LRPPRC: variants seen among roughly 807,000 people sequenced by gnomAD.
LRPPRC encodes leucine rich pentatricopeptide repeat containing, also known as leucine-rich PPR motif-containing protein, mitochondrial.
Under a neutral mutation model 180.3 loss-of-function variants are expected in LRPPRC, and 120 were observed. That is an observed-to-expected ratio of 0.67 (90% CI 0.57 to 0.77). The LOEUF (loss-of-function observed/expected upper bound fraction) is 0.77. LRPPRC is among the 30% of genes least tolerant of loss of function. LRPPRC has a pLI of 0.00. For synonymous variants in LRPPRC, 723 were observed against 600.0 expected (o/e 1.21, Z -3.00); for missense variants, 2,012 against 1,657.2 (o/e 1.21, Z -3.72).
intron 20 of LRPPRC, among the ~76,000 whole-genome samples, 190 bp from the exon 21 acceptor site, chr2:43,946,433 G>A (rs1672684796): frequency 6.6e-6 from 1 of 152,030 alleles, no homozygotes; most frequent in Admixed American, 6.6e-5. Flanking sequence ...TCTTACACGT[G>A]TAGGGGTTAA....
intron 37 of LRPPRC, among the ~76,000 whole-genome samples, 194 bp downstream of exon 37, chr2:43,889,540 G>A (rs953994687): frequency 3.3e-5 from 5 of 151,934 alleles, no homozygotes; most frequent in African/African-American, 9.7e-5. Flanking sequence ...TTTAAACTGT[G>A]GCCCCAGAGA....
At chr2:43,987,491 CAA>C (rs34151335) in intron 1 of LRPPRC, among the ~76,000 whole-genome samples, 9 of 75,920 alleles carry the variant, frequency 1.2e-4, no homozygotes. Flanking sequence ...CCAGACTCCT[CAA>C]AAAAAAAAAA....
intron 30 of LRPPRC, among the ~76,000 whole-genome samples, chr2:43,909,262 A>G (rs902031011): frequency 6.6e-6 from 1 of 152,224 alleles, no homozygotes; most frequent in Non-Finnish European, 1.5e-5. Flanking sequence ...GGGAGAGGAC[A>G]TGCATCCAAA....
At chr2:43,944,283 A>T (rs1672599422) in intron 22 of LRPPRC, among the ~76,000 whole-genome samples, 1 of 152,058 alleles carries the variant, frequency 6.6e-6, no homozygotes, top group African/African-American at 2.4e-5. Flanking sequence ...ATGTGTTTAC[A>T]CTGTATATAC....
intron 14 of LRPPRC, among the ~76,000 whole-genome samples, chr2:43,951,456 G>A (rs961865828): frequency 6.6e-6 from 1 of 152,188 alleles, no homozygotes; most frequent in African/African-American, 2.4e-5. Flanking sequence ...ACTTGCCATG[G>A]TTCCTTTGCT....
At chr2:43,982,182 C>T in intron 2 of LRPPRC, 56 bp downstream of exon 2, 1 of 1,284,742 alleles carries the variant, frequency 7.8e-7, no homozygotes, top group Non-Finnish European at 1.1e-6. Context: ...GATTACAGGC[C>T]TGAGCCACTG....
At chr2:43,936,943 T>C (rs1279829145) in intron 23 of LRPPRC, among the ~76,000 whole-genome samples, 1 of 152,238 alleles carries the variant, frequency 6.6e-6, no homozygotes, top group African/African-American at 2.4e-5. Context: ...ATTGCCTTTC[T>C]ATAACTCTGC....
chr2:43,939,901 T>G (rs1266632058), intron 23 of LRPPRC, among the ~76,000 whole-genome samples: 1 of 152,198 alleles, frequency 6.6e-6, no homozygotes, highest in Non-Finnish European at 1.5e-5. Flanking sequence ...ACTGAATGAT[T>G]AGACAAGATA....
chr2:43,909,996 C>T (rs1037896190), intron 30 of LRPPRC, among the ~76,000 whole-genome samples: 8 of 152,152 alleles, frequency 5.3e-5, no homozygotes, highest in Non-Finnish European at 4.4e-5. Context: ...GATACATACA[C>T]ACACGCATAA....
At chr2:43,953,617 G>A (rs1018031976) in intron 14 of LRPPRC, among the ~76,000 whole-genome samples, 6 of 152,176 alleles carry the variant, frequency 3.9e-5, no homozygotes, top group Non-Finnish European at 7.4e-5. Context: ...CTAACAAACA[G>A]GGAAAGCACC....
At chr2:43,967,620 G>A (rs991377612) in intron 11 of LRPPRC, among the ~76,000 whole-genome samples, 1 of 152,160 alleles carries the variant, frequency 6.6e-6, no homozygotes, top group Non-Finnish European at 1.5e-5. Context: ...CTTGAACCCA[G>A]GAGGCAAAGG....
chr2:43,952,260 G>A (rs191799573), intron 14 of LRPPRC, among the ~76,000 whole-genome samples: 166 of 151,184 alleles, frequency 1.1e-3, no homozygotes, highest in Non-Finnish European at 1.3e-3. Flanking sequence ...ACCTAAGGAA[G>A]GCATGGAGAT....
intron 23 of LRPPRC, among the ~76,000 whole-genome samples, chr2:43,941,324 TGATATTCTCTTTA>T (rs1320375817): frequency 4.6e-5 from 7 of 152,136 alleles, no homozygotes; most frequent in Admixed American, 4.6e-4. Flanking sequence ...AACACGAAAG[TGATATTCTCTTTA>T]GAGCCTTTTA....
upstream of LRPPRC, chr2:43,996,001 C>G: frequency 1.3e-6 from 2 of 1,513,646 alleles, no homozygotes; most frequent in Non-Finnish European, 8.8e-7. Context: ...ACAGGAGGAG[C>G]ATGTGACCGC....
chr2:43,894,176 T>C (rs1220477568), intron 36 of LRPPRC, among the ~76,000 whole-genome samples: 2 of 152,020 alleles, frequency 1.3e-5, no homozygotes, highest in South Asian at 2.1e-4. Context: ...GAGTCTCAAA[T>C]GTGTACTTGT....
Position 43,889,859 on chromosome 2 carries a change from T to G in LRPPRC, c.4003A>C (p.Thr1335Pro), listed in dbSNP as rs1288934995. 1 of 1,608,234 alleles carries G rather than the reference T, an allele frequency of 6.2e-7. No homozygotes were observed. Among genetic ancestry groups the G allele is most frequent in the South Asian group, 1.1e-5 (1 of 90,958 alleles). Reference sequence around the variant, plus strand: ...TGTTCATACAGTGCTTTAGCAGATGTGACATCTTTCTCTGAGACTGACATA... The same window carrying G: ...TGTTCATACAGTGCTTTAGCAGATGGGACATCTTTCTCTGAGACTGACATA... Reference protein sequence around the residue: ...MKSYVSEKDVTSAKALYEHLT... With the variant: ...MKSYVSEKDVPSAKALYEHLT... The change falls in exon 37 of 38, where the codon ACA becomes CCA. Residue 1335 changes from threonine (T) to proline (P), a missense_variant. Transcript: ENST00000260665.
At chr2:43,977,366 A>C in intron 3 of LRPPRC, 90 bp from the exon 4 acceptor site, 1 of 1,011,520 alleles carries the variant, frequency 9.9e-7, no homozygotes, top group Non-Finnish European at 1.5e-6. Flanking sequence ...AAAAAGAGTA[A>C]AACTATCACT....
At chr2:43,908,968 C>T (rs1671159200) in intron 30 of LRPPRC, among the ~76,000 whole-genome samples, 1 of 152,290 alleles carries the variant, frequency 6.6e-6, no homozygotes, top group East Asian at 1.9e-4. Context: ...GCTCATTTGA[C>T]CACCATATTA....
At position 43,888,664 on chromosome 2, in the gene LRPPRC, G is replaced by A. The variant is rs1553387459; in HGVS notation, c.4129-8C>T. 1 of 1,565,894 alleles carries A rather than the reference G, an allele frequency of 6.4e-7. No individual in the cohort carries two copies. Among genetic ancestry groups the A allele is most frequent in the Non-Finnish European group, 8.8e-7 (1 of 1,136,760 alleles). The stretch of plus-strand genomic sequence containing the variant: ...ATAAAATTCAAAGCTTTCCTGTTAA[G>A]GAGAAAAAAAGAGGGAAGTTAGAGA... On this transcript the variant is annotated splice_region_variant and splice_polypyrimidine_tract_variant and intron_variant, in intron 37 of 37. Coordinates refer to ENST00000260665, the MANE Select transcript of LRPPRC (RefSeq NM_133259.4).
Sources: allele counts gnomAD v4.1 joint callset (sites outside exome capture counted in the v4.1 genomes callset), GRCh38; gene constraint gnomAD v4.1.1; transcripts MANE v1.5; gene names NCBI Gene and HGNC (gene_info 2026-07-23, HGNC 2026-07-21).